The following RAB38 variants were observed in gnomAD, a reference collection of about 807,000 sequenced individuals.
RAB38 encodes the protein RAB38, member RAS oncogene family.
RAB38 carries 15 observed loss-of-function variants against 18.4 expected under a neutral mutation model. The observed-to-expected ratio is 0.82, with a 90% confidence interval of 0.55 to 1.26. The LOEUF (loss-of-function observed/expected upper bound fraction) is 1.26, where lower values mean the gene tolerates loss of function less well. Ranked by LOEUF, RAB38 falls within the 50% of genes most tolerant of loss-of-function variation. The probability of loss-of-function intolerance (pLI) is 0.00; values close to 1 mark genes in which losing one functional copy is unlikely to be tolerated. For missense variants in RAB38, 294 were observed against 267.4 expected, an observed-to-expected ratio of 1.10 and a Z score of -0.69; for synonymous variants, 101 against 104.4, an observed-to-expected ratio of 0.97 and a Z score of 0.20.
the RAB38 span, among the ~76,000 whole-genome samples, chr11:88,012,159 G>T: frequency 6.6e-6 from 1 of 152,142 alleles, no homozygotes; most frequent in African/African-American, 2.4e-5. Flanking sequence ...AAGAGTCATG[G>T]CACCGGTGAG....
At position 88,140,769 on chromosome 11, in the gene RAB38, A is replaced by C. The variant is rs573177662; in HGVS notation, c.483+8906T>G. Among the ~76,000 whole-genome samples the C allele has an allele frequency of 2.0e-5, 3 of 152,316 alleles. No homozygotes were observed. The South Asian group carries it at 6.2e-4, about 32-fold the overall frequency. ...GATAAGCTTGGAGAAGCAGAAAAAAAATCTCACTATTGGAGTCTTCTATGC... is the reference window on the plus strand; with the variant it reads ...GATAAGCTTGGAGAAGCAGAAAAAACATCTCACTATTGGAGTCTTCTATGC... On this transcript the variant is annotated intron_variant, in intron 2 of 2. Transcript: ENST00000243662.
At chr11:88,075,774 G>A in the RAB38 span, among the ~76,000 whole-genome samples, 3 of 151,914 alleles carry the variant, frequency 2.0e-5, no homozygotes, top group Non-Finnish European at 2.9e-5. Context: ...CCAGCTACTC[G>A]GGAGGCTGAG....
the RAB38 span, among the ~76,000 whole-genome samples, chr11:87,890,980 G>C: frequency 6.6e-6 from 1 of 151,788 alleles, no homozygotes; most frequent in African/African-American, 2.4e-5. Context: ...ACCCTTCTAA[G>C]TATAAGGCCA....
chr11:87,949,895 G>T, the RAB38 span, among the ~76,000 whole-genome samples: 2 of 152,168 alleles, frequency 1.3e-5, no homozygotes, highest in Non-Finnish European at 2.9e-5. Flanking sequence ...TTCTGTAGAT[G>T]TCTATTAGGT....
chr11:88,154,689 C>T (rs999553073), intron 1 of RAB38, among the ~76,000 whole-genome samples: 9 of 152,208 alleles, frequency 5.9e-5, no homozygotes, highest in East Asian at 3.9e-4. Context: ...ATTCAGACGA[C>T]CTGTTCAGCT....
chr11:88,104,780 T>G, the RAB38 span, among the ~76,000 whole-genome samples: 18 of 152,302 alleles, frequency 1.2e-4, no homozygotes, highest in African/African-American at 3.6e-4. Flanking sequence ...ATTCTTTTTG[T>G]GGTTAGGGCC....
the RAB38 span, among the ~76,000 whole-genome samples, chr11:87,813,499 TCACACACACA>T: frequency 1.0e-4 from 15 of 146,954 alleles, no homozygotes; most frequent in African/African-American, 2.8e-4. Context: ...ATCATACACA[TCACACACACA>T]CACACACACA....
chr11:87,937,626 C>A, the RAB38 span, among the ~76,000 whole-genome samples: 1 of 151,488 alleles, frequency 6.6e-6, no homozygotes, highest in African/African-American at 2.4e-5. Context: ...ATGACTATTG[C>A]AATAATCTAT....
At chr11:87,834,811 G>A in the RAB38 span, among the ~76,000 whole-genome samples, 1 of 152,286 alleles carries the variant, frequency 6.6e-6, no homozygotes, top group African/African-American at 2.4e-5. Flanking sequence ...ACTAGTTGTG[G>A]TGAAGGGTTG....
the RAB38 span, among the ~76,000 whole-genome samples, chr11:88,026,927 T>A: frequency 0.02 from 3,004 of 152,216 alleles, 120 homozygotes; most frequent in South Asian, 0.059. Context: ...GTGAGACATT[T>A]TACATAATTG....
At chr11:88,027,985 G>T in the RAB38 span, among the ~76,000 whole-genome samples, 1 of 152,158 alleles carries the variant, frequency 6.6e-6, no homozygotes, top group African/African-American at 2.4e-5. Context: ...CCCCCAGCAG[G>T]GGCAGACTGA....
chr11:87,934,420 T>A, the RAB38 span, among the ~76,000 whole-genome samples: 1 of 152,126 alleles, frequency 6.6e-6, no homozygotes, highest in Non-Finnish European at 1.5e-5. Flanking sequence ...AATAAATGAA[T>A]TATATGCTAA....
chr11:87,948,303 A>G, the RAB38 span, among the ~76,000 whole-genome samples: 1 of 152,174 alleles, frequency 6.6e-6, no homozygotes, highest in Non-Finnish European at 1.5e-5. Context: ...GGGCTGAGAC[A>G]ATGGGGTTTT....
At chr11:87,946,146 A>G in the RAB38 span, among the ~76,000 whole-genome samples, 1 of 152,182 alleles carries the variant, frequency 6.6e-6, no homozygotes, top group Admixed American at 6.5e-5. Flanking sequence ...GAACTTACCA[A>G]ATATCTTAAA....
the RAB38 span, among the ~76,000 whole-genome samples, chr11:87,951,906 C>T: frequency 3.9e-5 from 6 of 152,136 alleles, no homozygotes; most frequent in Non-Finnish European, 8.8e-5. Context: ...GCTGGGAGAA[C>T]CACTACTCTC....
chr11:87,807,283 T>C, the RAB38 span, among the ~76,000 whole-genome samples: 1 of 152,180 alleles, frequency 6.6e-6, no homozygotes, highest in Non-Finnish European at 1.5e-5. Flanking sequence ...AAAATGCTAA[T>C]ACAAACAAAG....
intron 1 of RAB38, among the ~76,000 whole-genome samples, chr11:88,164,368 T>G (rs1197925337): frequency 6.6e-6 from 1 of 151,206 alleles, no homozygotes; most frequent in Non-Finnish European, 1.5e-5. Flanking sequence ...AACTATTAGC[T>G]TGAGGTAGTT....
At chr11:87,810,693 A>G in the RAB38 span, among the ~76,000 whole-genome samples, 1 of 152,194 alleles carries the variant, frequency 6.6e-6, no homozygotes, top group Non-Finnish European at 1.5e-5. Context: ...AAGTTCTATT[A>G]GCATACATGT....
At chr11:88,089,087 T>C in the RAB38 span, among the ~76,000 whole-genome samples, 1 of 151,946 alleles carries the variant, frequency 6.6e-6, no homozygotes, top group African/African-American at 2.4e-5. Context: ...ATTTATGACA[T>C]TACAAGAAAC....
Sources: allele counts gnomAD v4.1 joint callset (sites outside exome capture counted in the v4.1 genomes callset), GRCh38; gene constraint gnomAD v4.1.1; transcripts MANE v1.5; gene names NCBI Gene and HGNC (gene_info 2026-07-23, HGNC 2026-07-21).